MAGI2: variants seen among roughly 807,000 people sequenced by gnomAD.
The protein encoded by MAGI2 is membrane associated guanylate kinase, WW and PDZ domain containing 2.
A neutral mutation model predicts 133.3 loss-of-function variants in MAGI2; 35 were observed. The ratio of observed to expected loss-of-function variants is 0.26; its 90% CI spans 0.20 to 0.35. MAGI2 has a LOEUF of 0.35. Among genes scored for constraint, MAGI2 ranks in the 10% least tolerant of loss-of-function variants. The pLI is 1.00. For missense variants in MAGI2, 1,636 were observed against 1,863.4 expected (o/e 0.88, Z 2.25); for synonymous variants, 729 against 710.6 (o/e 1.03, Z -0.41).
At chr7:78,883,257 C>A (rs770577079) in intron 2 of MAGI2, among the ~76,000 whole-genome samples, 1 of 151,964 alleles carries the variant, frequency 6.6e-6, no homozygotes, top group Non-Finnish European at 1.5e-5. Context: ...GTAATAGACA[C>A]ACACACAAAA....
intron 1 of MAGI2, among the ~76,000 whole-genome samples, chr7:79,016,371 G>T (rs1279853340): frequency 6.6e-6 from 1 of 152,120 alleles, no homozygotes; most frequent in African/African-American, 2.4e-5. Flanking sequence ...AGGCCTGATT[G>T]CAGTGCAGCC....
At chr7:79,111,309 T>C (rs1016189) in intron 1 of MAGI2, among the ~76,000 whole-genome samples, 97,841 of 152,130 alleles carry the variant, frequency 0.64, 36,822 homozygotes, top group Non-Finnish European at 0.84. Context: ...CTTTTGCTTA[T>C]CCAAATTGTG....
chr7:78,975,814 T>C (rs368294934), intron 2 of MAGI2, among the ~76,000 whole-genome samples: 42 of 151,656 alleles, frequency 2.8e-4, no homozygotes, highest in East Asian at 1.4e-3. Flanking sequence ...AAATGGTCAA[T>C]ATCAGAAATG....
chr7:79,362,214 A>G (rs1041633909), intron 1 of MAGI2, among the ~76,000 whole-genome samples: 3 of 152,136 alleles, frequency 2.0e-5, no homozygotes, highest in Non-Finnish European at 2.9e-5. Context: ...TGCTGTGTGC[A>G]TTAACCAGAT....
chr7:78,018,569 C>G lies in MAGI2; in HGVS notation c.*746G>C, dbSNP rs1268147519. On this transcript the variant is annotated 3_prime_UTR_variant, in exon 22 of 22. Coordinates refer to ENST00000354212, the MANE Select transcript of MAGI2 (RefSeq NM_012301.4). ...AAATTCTGACTTATGGCAAACTGTTCCCTAGGATACAATTTTTAAAACCTT... is the reference window on the plus strand; with the variant it reads ...AAATTCTGACTTATGGCAAACTGTTGCCTAGGATACAATTTTTAAAACCTT... 1.3e-5 allele frequency: 2 copies of G among 152,134 alleles called. No homozygotes were observed. The highest frequency in any genetic ancestry group is 2.9e-5 in the Non-Finnish European group (2 of 68,016). 9.4% of individuals were successfully genotyped at this position (152,134 alleles called of 1,614,324 possible). A position where few individuals can be genotyped will look rare whatever the true frequency, so the allele number is the denominator to read the frequency against.
chr7:78,185,624 C>T lies in MAGI2; in HGVS notation c.2311+5G>A. ...ACAGAACTGTGAGTACTGAACAATA[C>T]TTGCCAGAGGAATCCATTCGAAAAC... On this transcript the variant is annotated splice_donor_5th_base_variant and intron_variant, in intron 13 of 21. Transcript: ENST00000354212. The T allele has an allele frequency of 3.1e-6, 5 of 1,589,304 alleles. No homozygotes were observed. Among genetic ancestry groups the T allele is most frequent in the Non-Finnish European group, 4.3e-6 (5 of 1,162,948 alleles).
At chr7:78,060,120 A>G (rs1584975389) in intron 21 of MAGI2, among the ~76,000 whole-genome samples, 2 of 152,354 alleles carry the variant, frequency 1.3e-5, no homozygotes, top group South Asian at 2.1e-4. Flanking sequence ...TAAAACTTAG[A>G]TGAACCAGAA....
At chr7:78,320,515 C>A (rs915559747) in intron 9 of MAGI2, among the ~76,000 whole-genome samples, 2 of 152,100 alleles carry the variant, frequency 1.3e-5, no homozygotes, top group African/African-American at 4.8e-5. Flanking sequence ...GAACCAATGA[C>A]AAAAAACACA....
intron 3 of MAGI2, among the ~76,000 whole-genome samples, chr7:78,526,189 T>G (rs1446935975): frequency 6.6e-6 from 1 of 152,224 alleles, no homozygotes. Context: ...AAATGTGTGA[T>G]GCAATCGCAA....
At chr7:78,733,459 T>C (rs1056025566) in intron 2 of MAGI2, among the ~76,000 whole-genome samples, 5 of 152,200 alleles carry the variant, frequency 3.3e-5, no homozygotes, top group Non-Finnish European at 7.3e-5. Context: ...TTAGCCATAA[T>C]TGCTTCACCT....
At chr7:79,312,588 G>T (rs1231835787) in intron 1 of MAGI2, among the ~76,000 whole-genome samples, 8 of 152,014 alleles carry the variant, frequency 5.3e-5, no homozygotes, top group African/African-American at 1.9e-4. Flanking sequence ...TAATAACATA[G>T]AATTTACTTA....
intron 6 of MAGI2, among the ~76,000 whole-genome samples, chr7:78,427,774 A>G (rs2151423853): frequency 6.6e-6 from 1 of 152,164 alleles, no homozygotes; most frequent in Non-Finnish European, 1.5e-5. Context: ...ATTATATCCT[A>G]TTTCCAATCT....
intron 1 of MAGI2, among the ~76,000 whole-genome samples, chr7:79,068,166 T>G (rs751265460): frequency 6.6e-6 from 1 of 152,248 alleles, no homozygotes; most frequent in Non-Finnish European, 1.5e-5. Flanking sequence ...TTGGAATACT[T>G]TCAGAAGGAA....
At chr7:78,725,563 C>T (rs1820691721) in intron 2 of MAGI2, among the ~76,000 whole-genome samples, 1 of 152,208 alleles carries the variant, frequency 6.6e-6, no homozygotes, top group South Asian at 2.1e-4. Flanking sequence ...CTTTGGGAGG[C>T]CTAGGCGGGC....
At chr7:79,213,224 ATG>A (rs1020473779) in intron 1 of MAGI2, among the ~76,000 whole-genome samples, 88 of 89,808 alleles carry the variant, frequency 9.8e-4, no homozygotes, top group African/African-American at 2.3e-3. Context: ...GTATATATAT[ATG>A]TGTGTGTGTG....
At chr7:79,326,538 G>A (rs1343972844) in intron 1 of MAGI2, among the ~76,000 whole-genome samples, 1 of 152,086 alleles carries the variant, frequency 6.6e-6, no homozygotes, top group Non-Finnish European at 1.5e-5. Flanking sequence ...GTATTTTTAA[G>A]AAGACCTATG....
At chr7:78,494,047 G>GCTCA (rs1793867142) in intron 5 of MAGI2, among the ~76,000 whole-genome samples, 1 of 151,866 alleles carries the variant, frequency 6.6e-6, no homozygotes, top group Non-Finnish European at 1.5e-5. Flanking sequence ...CATGATCTTG[G>GCTCA]CTCACTGCCA....
At chr7:78,134,482 C>G (rs768804299) in intron 17 of MAGI2, 2 of 153,906 alleles carry the variant, frequency 1.3e-5, no homozygotes, top group Non-Finnish European at 2.9e-5. Flanking sequence ...GTTCACTACT[C>G]TTTTGAGCCT....
intron 20 of MAGI2, among the ~76,000 whole-genome samples, chr7:78,083,736 A>G (rs1312671485): frequency 1.3e-5 from 2 of 152,154 alleles, no homozygotes; most frequent in African/African-American, 4.8e-5. Context: ...ATCATAGCGG[A>G]TTTTTCTTTA....
Sources: allele counts gnomAD v4.1 joint callset (sites outside exome capture counted in the v4.1 genomes callset), GRCh38; gene constraint gnomAD v4.1.1; transcripts MANE v1.5; gene names NCBI Gene and HGNC (gene_info 2026-07-23, HGNC 2026-07-21).